The following DPP9 variants were observed in gnomAD, a reference collection of about 807,000 sequenced individuals.
DPP9 encodes the protein dipeptidyl peptidase 9.
A neutral mutation model predicts 110.7 loss-of-function variants in DPP9; 50 were observed. The observed-to-expected ratio is 0.45, with a 90% CI of 0.36 to 0.57. The LOEUF (loss-of-function observed/expected upper bound fraction) is 0.57, where lower values mean the gene tolerates loss of function less well. Among genes scored for constraint, DPP9 ranks in the 20% least tolerant of loss-of-function variants. The probability of loss-of-function intolerance (pLI) is 0.00; values close to 1 mark genes in which losing one functional copy is unlikely to be tolerated. For missense variants in DPP9, 1,022 were observed against 1,217.9 expected, an observed-to-expected ratio of 0.84 and a Z score of 2.39; for synonymous variants, 561 against 514.4, an observed-to-expected ratio of 1.09 and a Z score of -1.23.
chr19:4,713,874 C>T (rs1293597506), intron 4 of DPP9, among the ~76,000 whole-genome samples: 1 of 152,108 alleles, frequency 6.6e-6, no homozygotes, highest in African/African-American at 2.4e-5. Context: ...GCACGGCTGA[C>T]CCTCCGGGGG....
rs1337576399 is a variant in DPP9, at chr19:4,719,833, C to G, written c.56+18G>C. The G allele has an allele frequency of 6.4e-7, 1 of 1,551,764 alleles. No homozygotes were observed. Among genetic ancestry groups the G allele is most frequent in the Non-Finnish European group, 8.7e-7 (1 of 1,146,990 alleles). ...GGGCCACATCCTCACGGATCAGGGC[C>G]TCCGAGGCCAACCTCACCTTCTCCA... is the stretch of plus-strand genomic sequence containing the variant. On this transcript the variant is annotated intron_variant, in intron 3 of 21. Coordinates refer to ENST00000262960, the MANE Select transcript of DPP9 (RefSeq NM_139159.5).
chr19:4,705,899 G>A lies in DPP9; in HGVS notation c.385C>T (p.Leu129=), dbSNP rs1599927365. ...ATCTGCTTCCAGGACAGGAGCAGCA[G>A]AGCCTCTTTCCGGACCTTCTTGGGA... ...EIPKKVRKEA[L]LLLSWKQMLD... The change falls in exon 5 of 22, where the codon CTG becomes TTG. Residue 129 remains leucine, a synonymous_variant. Coordinates refer to ENST00000262960, the MANE Select transcript of DPP9 (RefSeq NM_139159.5). 1 of 1,614,020 alleles carries A rather than the reference G, an allele frequency of 6.2e-7. No homozygotes were observed. Among genetic ancestry groups the A allele is most frequent in the Non-Finnish European group, 8.5e-7 (1 of 1,179,870 alleles).
At chr19:4,696,196 T>C (rs958159465) in intron 11 of DPP9, among the ~76,000 whole-genome samples, 1 of 152,126 alleles carries the variant, frequency 6.6e-6, no homozygotes, top group Non-Finnish European at 1.5e-5. Flanking sequence ...CCACCGCACC[T>C]GGCCTAAATG....
chr19:4,692,282 G>A (rs530586433), intron 13 of DPP9, among the ~76,000 whole-genome samples: 4 of 152,274 alleles, frequency 2.6e-5, no homozygotes, highest in African/African-American at 9.6e-5. Context: ...AACACACTGA[G>A]ATGGTTTGTA....
intron 19 of DPP9, chr19:4,683,162 C>A: frequency 6.9e-7 from 1 of 1,438,866 alleles, no homozygotes; most frequent in Non-Finnish European, 9.1e-7. Context: ...CCTGGGGCCC[C>A]CCCGCCGCTC....
At position 4,693,526 on chromosome 19, in the gene DPP9, C is replaced by A. The variant is rs1195874861; in HGVS notation, c.1516+1135G>T. On this transcript the variant is annotated intron_variant, in intron 13 of 21. Transcript: ENST00000262960. This position sits in a 1 kb window ranked among gnomAD's most constrained non-coding sequence, Gnocchi z 5.0. ...CTTAGACTGGACCTGCGGAGCCCTC[C>A]GGGCATCCATGCCGCCTCCCTCCTC... Among the ~76,000 whole-genome samples the A allele has an allele frequency of 1.3e-5, 2 of 152,138 alleles. No individual in the cohort carries two copies. The highest frequency in any genetic ancestry group is 4.8e-5 in the African/African-American group (2 of 41,444).
At chr19:4,716,598 C>G (rs763717149) in intron 3 of DPP9, among the ~76,000 whole-genome samples, 27 of 151,656 alleles carry the variant, frequency 1.8e-4, no homozygotes, top group Admixed American at 3.9e-4. Context: ...GATCGTGCCA[C>G]TGCACTCCAG....
chr19:4,714,032 T>C (rs2277733), intron 4 of DPP9, 49 bp downstream of exon 4: 444,004 of 1,548,806 alleles, frequency 0.29, 73,314 homozygotes, highest in African/African-American at 0.71. Context: ...CAGGGAACTG[T>C]GGTCCCAGAT....
intron 7 of DPP9, among the ~76,000 whole-genome samples, chr19:4,703,077 G>A (rs2092386768): frequency 6.6e-6 from 1 of 151,722 alleles, no homozygotes; most frequent in Non-Finnish European, 1.5e-5. Context: ...GAGTGGCCAG[G>A]TTTGGAAAGT....
Position 4,689,762 on chromosome 19 carries a change from GC to G in DPP9, c.1597-41del, listed in dbSNP as rs2091140426. 6.6e-7 allele frequency: 1 copy of G among 1,521,210 alleles called. No individual in the cohort carries two copies. Among genetic ancestry groups the G allele is most frequent in the Non-Finnish European group, 8.9e-7 (1 of 1,128,442 alleles). The allele number at this position is 1,521,210 out of a possible 1,614,324, so 94.2% of individuals were successfully genotyped here. On this transcript the variant is annotated intron_variant, in intron 14 of 21. Coordinates refer to ENST00000262960, the MANE Select transcript of DPP9 (RefSeq NM_139159.5). The surrounding 1 kb of genome is among the most constrained non-coding windows in gnomAD (Gnocchi z 7.0). Reference sequence around the variant, plus strand: ...GGGATCCTCGTGATGCGTCCCAGATGCCCCTGGGCCCACACCCCTCTCCACG... The same window carrying G: ...GGGATCCTCGTGATGCGTCCCAGATGCCCTGGGCCCACACCCCTCTCCACG...
chr19:4,720,720 T>C (rs905749173), intron 2 of DPP9, among the ~76,000 whole-genome samples: 1 of 152,132 alleles, frequency 6.6e-6, no homozygotes, highest in Admixed American at 6.5e-5. Flanking sequence ...GAGATGCTGC[T>C]TAGCACCCCA....
rs1256438956 is a variant in DPP9, at chr19:4,685,492, G to A, written c.2031+134C>T. 1 of 1,015,194 alleles carries A rather than the reference G, an allele frequency of 9.9e-7. No individual in the cohort carries two copies. The highest frequency in any genetic ancestry group is 2.1e-5 in the Admixed American group (1 of 47,336). 62.9% of individuals were successfully genotyped at this position (1,015,194 alleles called of 1,614,324 possible). On this transcript the variant is annotated intron_variant, in intron 17 of 21. Coordinates refer to ENST00000262960, the MANE Select transcript of DPP9 (RefSeq NM_139159.5). The surrounding 1 kb of genome is among the most constrained non-coding windows in gnomAD (Gnocchi z 5.8). ...GACCCTGTGTAGTCAGGGCAGGCGGGGTGGGCTGGGGCACCAGGCAGGTAG... is the reference window on the plus strand; with the variant it reads ...GACCCTGTGTAGTCAGGGCAGGCGGAGTGGGCTGGGGCACCAGGCAGGTAG...
At chr19:4,680,488 G>T (rs1034584812) in intron 20 of DPP9, among the ~76,000 whole-genome samples, 11 of 151,876 alleles carry the variant, frequency 7.2e-5, no homozygotes, top group Non-Finnish European at 1.2e-4. Flanking sequence ...GGCCAAGCTG[G>T]GTGGATTGAG....
chr19:4,680,943 TGA>T lies in DPP9; in HGVS notation c.2475-999_2475-998del, dbSNP rs577884444. ...CTGCACTCCAGCCGGGACCACAGAG[TGA>T]GACTCTCTCAACAAAACAAAACAAA... On this transcript the variant is annotated intron_variant, in intron 20 of 21. Transcript: ENST00000262960. Among the ~76,000 whole-genome samples, 305 of 151,926 alleles carry T rather than the reference TGA, an allele frequency of 2.0e-3. 1 individual carries two copies. Among genetic ancestry groups the T allele is most frequent in the African/African-American group, 7.0e-3 (289 of 41,424 alleles).
Position 4,714,072 on chromosome 19 carries a change from C to A in DPP9, c.313+9G>T. 1.2e-6 allele frequency: 2 copies of A among 1,605,106 alleles called. No individual in the cohort carries two copies. The highest frequency in any genetic ancestry group is 1.3e-5 in the African/African-American group (1 of 74,844). Reference sequence around the variant, plus strand: ...TCCCCGCCCAAGCAGCCTGCAGGGCCCGGCTTACCCAGGTAGTAGAGGCGG... The same window carrying A: ...TCCCCGCCCAAGCAGCCTGCAGGGCACGGCTTACCCAGGTAGTAGAGGCGG... On this transcript the variant is annotated intron_variant, in intron 4 of 21. Coordinates refer to ENST00000262960, the MANE Select transcript of DPP9 (RefSeq NM_139159.5).
intron 4 of DPP9, 49 bp from the exon 5 acceptor site, chr19:4,706,019 G>A (rs187613359): frequency 2.6e-6 from 4 of 1,529,830 alleles, no homozygotes; most frequent in East Asian, 2.3e-5. Context: ...GCTCAGGATG[G>A]GGAGACGCCC....
At chr19:4,711,507 T>C (rs1195930459) in intron 4 of DPP9, among the ~76,000 whole-genome samples, 1 of 152,076 alleles carries the variant, frequency 6.6e-6, no homozygotes, top group East Asian at 1.9e-4. Context: ...GCACGGTGGC[T>C]TACGCCTGTA....
intron 8 of DPP9, 92 bp downstream of exon 8, chr19:4,702,511 G>T: frequency 1.0e-6 from 1 of 966,198 alleles, no homozygotes; most frequent in Non-Finnish European, 1.6e-6. Context: ...GGTGGTTTGA[G>T]GTGAAAGGAG....
intron 4 of DPP9, among the ~76,000 whole-genome samples, chr19:4,707,178 A>G (rs140738035): frequency 1.2e-3 from 182 of 152,328 alleles, no homozygotes; most frequent in African/African-American, 4.0e-3. Flanking sequence ...ACCCTCTGTG[A>G]AATCAGCGTA....
Sources: gnomAD v4.1 joint callset for allele counts (sites outside exome capture counted in the v4.1 genomes callset) on GRCh38, gnomAD v4.1.1 for gene constraint, Gnocchi (gnomAD v3.1) non-coding constraint, MANE v1.5 for transcripts, NCBI Gene and HGNC (gene_info 2026-07-23, HGNC 2026-07-21) for gene names.